ADAMTS19: variants seen among roughly 807,000 people sequenced by gnomAD.
ADAMTS19 encodes A disintegrin and metalloproteinase with thrombospondin motifs 19.
In ADAMTS19, 93 loss-of-function variants were observed where a neutral mutation model predicts 153.3. The ratio of observed to expected loss-of-function variants is 0.61; its 90% CI spans 0.51 to 0.72. The LOEUF (loss-of-function observed/expected upper bound fraction) is 0.72. Ranked by LOEUF, ADAMTS19 falls within the 30% of genes least tolerant of loss-of-function variation. ADAMTS19 has a pLI of 0.00. For missense variants in ADAMTS19, 1,482 were observed against 1,552.1 expected, an observed-to-expected ratio of 0.95 and a Z score of 0.76; for synonymous variants, 600 against 556.6, an observed-to-expected ratio of 1.08 and a Z score of -1.10.
chr5:129,697,744 A>G (rs1755626686), intron 19 of ADAMTS19, among the ~76,000 whole-genome samples: 1 of 152,268 alleles, frequency 6.6e-6, no homozygotes, highest in Non-Finnish European at 1.5e-5. Flanking sequence ...CCTGTCAGCT[A>G]AAGAACCAGG....
In ADAMTS19 at chr5:129,526,357, A is replaced by G. The variant is rs753968487; in HGVS notation, c.987A>G (p.Gln329=). The change falls in exon 4 of 23, where the codon CAA becomes CAG. Residue 329 remains glutamine, a synonymous_variant. Transcript: ENST00000274487. ...RGKRYSYKLP[Q]EYNIETVVVA... ...AACGATATTCATACAAATTACCTCA[A>G]GAATACAACATAGAGACTGTAGTGG... is the stretch of plus-strand genomic sequence containing the variant. 158 of 1,604,316 alleles carry G rather than the reference A, an allele frequency of 9.8e-5. No homozygotes were observed. The highest frequency in any genetic ancestry group is 3.4e-6 in the Non-Finnish European group (4 of 1,176,090).
Position 129,647,214 on chromosome 5 carries a change from GAAAAA to G in ADAMTS19, c.1873-535_1873-531del, listed in dbSNP as rs34958335. Among the ~76,000 whole-genome samples the G allele has an allele frequency of 2.0e-3, 209 of 102,302 alleles. 1 individual carries two copies. Among genetic ancestry groups the G allele is most frequent in the African/African-American group, 6.8e-3 (196 of 28,928 alleles). 67.1% of individuals were successfully genotyped at this position (102,302 alleles called of 152,430 possible). A position where few individuals can be genotyped will look rare whatever the true frequency, so the allele number is the denominator to read the frequency against. On this transcript the variant is annotated intron_variant, in intron 11 of 22. Transcript: ENST00000274487. ...TTTGAACTTGATGGGAATTCTTTCAGAAAAAAAAAAAAAAAAAAAAGCATAAAGGA... is the reference window on the plus strand; with the variant it reads ...TTTGAACTTGATGGGAATTCTTTCAGAAAAAAAAAAAAAAAGCATAAAGGA...
At chr5:129,637,611 G>A (rs549835409) in intron 10 of ADAMTS19, among the ~76,000 whole-genome samples, 113 of 152,258 alleles carry the variant, frequency 7.4e-4, no homozygotes, top group African/African-American at 2.5e-3. Flanking sequence ...TTAGGAGGCC[G>A]ATGCGGGCGG....
chr5:129,734,931 G>C lies in ADAMTS19; in HGVS notation c.3313-1G>C, dbSNP rs1757599751. 6.4e-7 allele frequency: 1 copy of C among 1,560,224 alleles called. No individual in the cohort carries two copies. The highest frequency in any genetic ancestry group is 8.6e-7 in the Non-Finnish European group (1 of 1,156,454). On this transcript the variant is annotated splice_acceptor_variant, in intron 21 of 22. Coordinates refer to ENST00000274487, the MANE Select transcript of ADAMTS19 (RefSeq NM_133638.6). LOFTEE classifies it high-confidence loss of function. The stretch of plus-strand genomic sequence containing the variant: ...CTAAACAAACCTTGTATTTCTCCTA[G>C]TGCTCAATTACCTGTGGCAAAGGAA...
chr5:129,684,960 C>G (rs1319351030), intron 18 of ADAMTS19, among the ~76,000 whole-genome samples: 1 of 150,572 alleles, frequency 6.6e-6, no homozygotes, highest in Non-Finnish European at 1.5e-5. Context: ...GCACTCCAGC[C>G]TCAGTGGCAA....
intron 7 of ADAMTS19, among the ~76,000 whole-genome samples, chr5:129,578,410 G>A (rs982238107): frequency 2.8e-5 from 4 of 144,748 alleles, no homozygotes; most frequent in Non-Finnish European, 4.6e-5. Flanking sequence ...GTATATGTAC[G>A]TATACGTACA....
At chr5:129,527,674 C>T (rs1413466569) in intron 4 of ADAMTS19, 74 bp from the exon 5 acceptor site, 11 of 628,060 alleles carry the variant, frequency 1.8e-5, no homozygotes, top group East Asian at 1.7e-4. Context: ...GAGACATCTC[C>T]ATGTATGGGC....
intron 17 of ADAMTS19, among the ~76,000 whole-genome samples, chr5:129,683,086 CATATT>C (rs1241986856): frequency 6.6e-6 from 1 of 151,466 alleles, no homozygotes; most frequent in East Asian, 1.9e-4. Flanking sequence ...TTTAATGTAT[CATATT>C]ATATTATATA....
chr5:129,559,260 T>A (rs1753417989), intron 7 of ADAMTS19, among the ~76,000 whole-genome samples: 1 of 151,974 alleles, frequency 6.6e-6, no homozygotes, highest in South Asian at 2.1e-4. Context: ...ACCAACAAAG[T>A]ATTAGAACCC....
At chr5:129,595,959 TA>T (rs1750355279) in intron 7 of ADAMTS19, among the ~76,000 whole-genome samples, 1 of 151,946 alleles carries the variant, frequency 6.6e-6, no homozygotes. Flanking sequence ...AATTTTATCT[TA>T]ATATTTCAGT....
At chr5:129,522,329 A>G (rs1267616793) in intron 3 of ADAMTS19, among the ~76,000 whole-genome samples, 1 of 94,576 alleles carries the variant, frequency 1.1e-5, no homozygotes, top group African/African-American at 5.0e-5. Flanking sequence ...ACACACACAC[A>G]CACATATATA....
Position 129,461,140 on chromosome 5 carries a change from G to T in ADAMTS19, c.130G>T (p.Val44Leu). The change falls in exon 2 of 23, where the codon GTG (valine) becomes TTG (leucine). Residue 44 changes from valine to leucine, a missense_variant. Val to Leu is a conservative substitution (Grantham distance 32). Around this residue, in one of 2 missense-constraint regions of ADAMTS19, gnomAD observed 866 missense variants for 827.7 expected, o/e 1.05. Coordinates refer to ENST00000274487, the MANE Select transcript of ADAMTS19 (RefSeq NM_133638.6). This position sits in a 1 kb window ranked among gnomAD's most constrained non-coding sequence, Gnocchi z 4.6. Reference protein sequence around the residue: ...FAPDREEWEVVFPALWRREPV... With the variant: ...FAPDREEWEVLFPALWRREPV... ...CCCCGACCGCGAGGAGTGGGAAGTCGTGTTTCCTGCGCTCTGGCGCCGGGA... is the reference window on the plus strand; with the variant it reads ...CCCCGACCGCGAGGAGTGGGAAGTCTTGTTTCCTGCGCTCTGGCGCCGGGA... The T allele has an allele frequency of 7.0e-7, 1 of 1,423,032 alleles. No homozygotes were observed. The allele number at this position is 1,423,032 out of a possible 1,614,324, so 88.2% of individuals were successfully genotyped here. A position where few individuals can be genotyped will look rare whatever the true frequency, so the allele number is the denominator to read the frequency against.
At chr5:129,702,200 C>T (rs1285058823) in intron 20 of ADAMTS19, among the ~76,000 whole-genome samples, 5 of 152,118 alleles carry the variant, frequency 3.3e-5, no homozygotes, top group Admixed American at 1.3e-4. Flanking sequence ...AGTTGTGTTC[C>T]ATGCCAAACC....
chr5:129,716,786 A>T (rs562445945), intron 21 of ADAMTS19, among the ~76,000 whole-genome samples: 1 of 152,242 alleles, frequency 6.6e-6, no homozygotes, highest in East Asian at 1.9e-4. Context: ...AGCTCCGTCT[A>T]TTCACGAGAT....
intron 7 of ADAMTS19, among the ~76,000 whole-genome samples, chr5:129,566,143 A>G (rs1039389493): frequency 1.3e-5 from 2 of 152,174 alleles, no homozygotes; most frequent in African/African-American, 4.8e-5. Context: ...TAATATGTAA[A>G]TAATCTAGTG....
chr5:129,703,847 T>G (rs1756022623), intron 20 of ADAMTS19, among the ~76,000 whole-genome samples: 1 of 152,242 alleles, frequency 6.6e-6, no homozygotes, highest in African/African-American at 2.4e-5. Context: ...AAACATGTCT[T>G]CCATCTAAAT....
chr5:129,631,949 C>T (rs1188088394), intron 10 of ADAMTS19, among the ~76,000 whole-genome samples: 1 of 152,022 alleles, frequency 6.6e-6, no homozygotes, highest in East Asian at 1.9e-4. Flanking sequence ...TTTGAATTCT[C>T]TTTAGGATCC....
intron 21 of ADAMTS19, 70 bp from the exon 22 acceptor site, chr5:129,734,856 TCCCACA>T: frequency 7.8e-7 from 1 of 1,283,554 alleles, no homozygotes; most frequent in Non-Finnish European, 1.0e-6. Flanking sequence ...TAGAGAATGT[TCCCACA>T]CCCTAGAAAA....
At chr5:129,536,171 G>A (rs1194234176) in intron 6 of ADAMTS19, among the ~76,000 whole-genome samples, 3 of 152,208 alleles carry the variant, frequency 2.0e-5, no homozygotes, top group Admixed American at 1.3e-4. Context: ...ATCTGACAAA[G>A]GGCTAATATC....
Sources: gnomAD v4.1 joint callset for allele counts (sites outside exome capture counted in the v4.1 genomes callset) on GRCh38, gnomAD v4.1.1 for gene constraint, gnomAD v4.1.1 regional missense constraint, Gnocchi (gnomAD v3.1) non-coding constraint, MANE v1.5 for transcripts, NCBI Gene and HGNC (gene_info 2026-07-23, HGNC 2026-07-21) for gene names.